CCNDBP1: variants seen among roughly 807,000 people sequenced by gnomAD.
CCNDBP1 encodes the protein cyclin-D1-binding protein 1.
A neutral mutation model predicts 46.2 loss-of-function variants in CCNDBP1; 45 were observed. That is an observed-to-expected ratio of 0.97 (90% CI 0.77 to 1.25). The LOEUF is 1.25. Among genes scored for constraint, CCNDBP1 ranks in the 50% most tolerant of loss-of-function variants. CCNDBP1 has a pLI of 0.00. For missense variants in CCNDBP1, 436 were observed against 442.1 expected (o/e 0.99, Z 0.12); for synonymous variants, 154 against 163.6 (o/e 0.94, Z 0.45).
intron 10 of CCNDBP1, 109 bp downstream of exon 10, chr15:43,194,570 G>T: frequency 9.6e-7 from 1 of 1,046,576 alleles, no homozygotes; most frequent in Non-Finnish European, 1.4e-6. Flanking sequence ...GGGTGGGTGT[G>T]GGATTTTCTT....
chr15:43,186,591 G>A (rs2041845255), intron 3 of CCNDBP1, among the ~76,000 whole-genome samples: 1 of 152,156 alleles, frequency 6.6e-6, no homozygotes, highest in Non-Finnish European at 1.5e-5. Flanking sequence ...AAAAGCAGGG[G>A]GGCTAGAATT....
chr15:43,193,549 ACT>A (rs2041994416), intron 9 of CCNDBP1, among the ~76,000 whole-genome samples: 3 of 152,124 alleles, frequency 2.0e-5, no homozygotes, highest in Admixed American at 2.0e-4. Context: ...CCAGAAACAT[ACT>A]CTGTTCTAAT....
chr15:43,190,434 CCAAAG>C (rs2041930327), intron 6 of CCNDBP1, 36 bp downstream of exon 6: 1 of 1,575,498 alleles, frequency 6.3e-7, no homozygotes, highest in Non-Finnish European at 8.7e-7. Context: ...TGTCTGCTGG[CCAAAG>C]CAAAGAGACC....
chr15:43,188,114 C>T (rs765899468), intron 3 of CCNDBP1, among the ~76,000 whole-genome samples: 76 of 152,132 alleles, frequency 5.0e-4, no homozygotes, highest in Non-Finnish European at 9.6e-4. Flanking sequence ...TAAACACTCT[C>T]AGTCACTGCT....
chr15:43,192,493 TTGAC>T (rs550714077), intron 8 of CCNDBP1, among the ~76,000 whole-genome samples: 112 of 152,326 alleles, frequency 7.4e-4, no homozygotes, highest in South Asian at 5.0e-3. Context: ...CCTCACATTT[TTGAC>T]TGAATTGATC....
At chr15:43,192,676 A>T in intron 8 of CCNDBP1, 67 bp from the exon 9 acceptor site, 2 of 1,401,254 alleles carry the variant, frequency 1.4e-6, no homozygotes, top group Non-Finnish European at 2.0e-6. Flanking sequence ...TGACATCCAT[A>T]GTTGTGTACT....
Position 43,185,417 on chromosome 15 carries a change from C to A in CCNDBP1, c.-82C>A. 3 of 1,114,072 alleles carry A rather than the reference C, an allele frequency of 2.7e-6. No homozygotes were observed. The highest frequency in any genetic ancestry group is 2.6e-6 in the Non-Finnish European group (2 of 761,932). 69.0% of individuals were successfully genotyped at this position (1,114,072 alleles called of 1,614,324 possible). A position where few individuals can be genotyped will look rare whatever the true frequency, so the allele number is the denominator to read the frequency against. The stretch of plus-strand genomic sequence containing the variant: ...GGAAACGAGCCCTTGACGCTGTGGC[C>A]CGGAAGTGGAGCGGCTGTCGCAGTG... On this transcript the variant is annotated 5_prime_UTR_variant, in exon 1 of 11. Transcript: ENST00000300213.
chr15:43,192,606 G>T (rs1381709946), intron 8 of CCNDBP1, 137 bp from the exon 9 acceptor site: 1 of 701,262 alleles, frequency 1.4e-6, no homozygotes, highest in East Asian at 2.7e-5. Context: ...ATTCTGTATT[G>T]GTTGCCCAGT....
chr15:43,189,354 C>A, intron 4 of CCNDBP1, 74 bp downstream of exon 4: 3 of 814,428 alleles, frequency 3.7e-6, no homozygotes, highest in Non-Finnish European at 5.9e-6. Context: ...TGACTTTTAC[C>A]TTTACCCAAC....
chr15:43,190,818 T>G (rs1567263684), intron 6 of CCNDBP1, 148 bp from the exon 7 acceptor site: 1 of 627,152 alleles, frequency 1.6e-6, no homozygotes, highest in East Asian at 2.7e-5. Context: ...TACCAGGGGA[T>G]GTAGTGAGAA....
intron 4 of CCNDBP1, 57 bp from the exon 5 acceptor site, chr15:43,189,998 G>T: frequency 7.0e-7 from 1 of 1,432,832 alleles, no homozygotes; most frequent in Non-Finnish European, 9.8e-7. Flanking sequence ...ACTCAGGAAA[G>T]CAGATGGTGC....
rs545501646 is a variant in CCNDBP1, at chr15:43,192,794, G to A, written c.912G>A (p.Val304=). The part of the protein sequence containing the change: ...SIYPPMCHLT[V]RINSAKLVSV... ...ATCCACCTATGTGTCACCTGACCGTGCGAATCAATGTAAGTACTGGCTTTG... is the reference window on the plus strand; with the variant it reads ...ATCCACCTATGTGTCACCTGACCGTACGAATCAATGTAAGTACTGGCTTTG... The change falls in exon 9 of 11, where the codon GTG becomes GTA. Residue 304 remains valine (V), a synonymous_variant. Transcript: ENST00000300213. 6.2e-7 allele frequency: 1 copy of A among 1,614,064 alleles called. No individual in the cohort carries two copies. The highest frequency in any genetic ancestry group is 1.1e-5 in the South Asian group (1 of 91,076).
intron 7 of CCNDBP1, 75 bp from the exon 8 acceptor site, chr15:43,191,320 A>G (rs2041947179): frequency 1.4e-6 from 2 of 1,444,872 alleles, no homozygotes; most frequent in African/African-American, 1.4e-5. Context: ...ACATCGTGGT[A>G]AAAGTATAAT....
In CCNDBP1 at chr15:43,194,968, A is replaced by T; in HGVS notation, c.*127A>T. ...AGTGCCTATCTATATTTAGCAAGAGACACTATTACCAAAGATTGTTGGTTA... is the reference window on the plus strand; with the variant it reads ...AGTGCCTATCTATATTTAGCAAGAGTCACTATTACCAAAGATTGTTGGTTA... On this transcript the variant is annotated 3_prime_UTR_variant, in exon 11 of 11. Transcript: ENST00000300213. 1 of 603,656 alleles carries T rather than the reference A, an allele frequency of 1.7e-6. No homozygotes were observed. The highest frequency in any genetic ancestry group is 2.9e-5 in the East Asian group (1 of 34,156). The allele number at this position is 603,656 out of a possible 1,614,324, so 37.4% of individuals were successfully genotyped here.
chr15:43,189,173 G>T (rs1156789348), intron 3 of CCNDBP1, 26 bp from the exon 4 acceptor site: 4 of 1,376,306 alleles, frequency 2.9e-6, no homozygotes, highest in South Asian at 1.2e-5. Context: ...TGACCACTTT[G>T]ATCTAATCTG....
In CCNDBP1 at chr15:43,194,473, G is replaced by A. The variant is rs575106343; in HGVS notation, c.968+12G>A. 4.1e-5 allele frequency: 66 copies of A among 1,597,368 alleles called. No homozygotes were observed. In the East Asian group the frequency reaches 1.5e-3, roughly 36 times the overall value. On this transcript the variant is annotated intron_variant, in intron 10 of 10. Transcript: ENST00000300213. ...CTTGAAATTACAAAGTAAGTATGAA[G>A]ACTTCTCAGATAGCTTTTTGTGAGT... is the stretch of plus-strand genomic sequence containing the variant.
chr15:43,191,103 A>G lies in CCNDBP1; in HGVS notation c.579+61A>G, dbSNP rs2041942472. On this transcript the variant is annotated intron_variant, in intron 7 of 10. Coordinates refer to ENST00000300213, the MANE Select transcript of CCNDBP1 (RefSeq NM_012142.5). Reference sequence around the variant, plus strand: ...GACTAGTAGATGAGAATTAATTATAAAGAGAGATTTCCTGAGCATTGACCA... The same window carrying G: ...GACTAGTAGATGAGAATTAATTATAGAGAGAGATTTCCTGAGCATTGACCA... The G allele has an allele frequency of 5.2e-6, 7 of 1,335,562 alleles. No homozygotes were observed. The South Asian group carries it at 8.2e-5, about 16-fold the overall frequency. 82.7% of individuals were successfully genotyped at this position (1,335,562 alleles called of 1,614,324 possible).
At position 43,195,503 on chromosome 15, in the gene CCNDBP1, C is replaced by T. The variant is rs564110298; in HGVS notation, c.*662C>T. ...AACAGATTTATTTTCCTTATACATACTTGTGTTGTCCTTGGTTACGTGTGT... is the reference window on the plus strand; with the variant it reads ...AACAGATTTATTTTCCTTATACATATTTGTGTTGTCCTTGGTTACGTGTGT... On this transcript the variant is annotated 3_prime_UTR_variant, in exon 11 of 11. Coordinates refer to ENST00000300213, the MANE Select transcript of CCNDBP1 (RefSeq NM_012142.5). 1 of 152,104 alleles carries T rather than the reference C, an allele frequency of 6.6e-6. No individual in the cohort carries two copies. Among genetic ancestry groups the T allele is most frequent in the Admixed American group, 6.6e-5 (1 of 15,260 alleles). 9.4% of individuals were successfully genotyped at this position (152,104 alleles called of 1,614,324 possible).
At position 43,194,773 on chromosome 15, in the gene CCNDBP1, C is replaced by T; in HGVS notation, c.1015C>T (p.Leu339Phe). 2 of 1,613,916 alleles carry T rather than the reference C, an allele frequency of 1.2e-6. No homozygotes were observed. The highest frequency in any genetic ancestry group is 1.7e-6 in the Non-Finnish European group (2 of 1,179,766). Reference protein sequence around the residue: ...PQPEDSWIPLLINAIDHCMNR... With the variant: ...PQPEDSWIPLFINAIDHCMNR... The stretch of plus-strand genomic sequence containing the variant: ...GCCAGAAGATAGTTGGATCCCTTTA[C>T]TTATTAATGCCATTGATCATTGCAT... The change falls in exon 11 of 11, where the codon CTT (leucine) becomes TTT (phenylalanine). Residue 339 changes from leucine (L) to phenylalanine (F), a missense_variant. Leu to Phe is a conservative substitution (Grantham distance 22, BLOSUM62 0). Coordinates refer to ENST00000300213, the MANE Select transcript of CCNDBP1 (RefSeq NM_012142.5).
Sources: allele counts gnomAD v4.1 joint callset (sites outside exome capture counted in the v4.1 genomes callset), GRCh38; gene constraint gnomAD v4.1.1; transcripts MANE v1.5; gene names NCBI Gene and HGNC (gene_info 2026-07-23, HGNC 2026-07-21).